The following GPALPP1 variants were observed in gnomAD, a reference collection of about 807,000 sequenced individuals.
GPALPP1 encodes the protein GPALPP motifs containing 1.
GPALPP1 carries 30 observed loss-of-function variants against 38.9 expected under a neutral mutation model. The observed-to-expected ratio is 0.77, with a 90% CI of 0.58 to 1.05. GPALPP1 has a LOEUF of 1.05. GPALPP1 is among the 50% of genes least tolerant of loss of function. The probability of loss-of-function intolerance (pLI) is 0.00; values close to 1 mark genes in which losing one functional copy is unlikely to be tolerated. For synonymous variants in GPALPP1, 120 were observed against 139.2 expected (o/e 0.86, Z 0.97); for missense variants, 384 against 408.8 (o/e 0.94, Z 0.52).
intron 6 of GPALPP1, among the ~76,000 whole-genome samples, chr13:45,019,467 A>G (rs74696778): frequency 0.062 from 9,429 of 151,934 alleles, 324 homozygotes; most frequent in Non-Finnish European, 0.078. Context: ...TATATTTTGT[A>G]TATTGATCTT....
At chr13:44,994,468 G>A (rs1033450836) in intron 1 of GPALPP1, among the ~76,000 whole-genome samples, 9 of 152,084 alleles carry the variant, frequency 5.9e-5, no homozygotes, top group Non-Finnish European at 1.3e-4. Context: ...TGTAATCCCA[G>A]CTACTCGGGA....
At chr13:44,997,878 G>A (rs1357622378) in intron 1 of GPALPP1, among the ~76,000 whole-genome samples, 4 of 152,084 alleles carry the variant, frequency 2.6e-5, no homozygotes, top group Non-Finnish European at 5.9e-5. Flanking sequence ...CCCCTTGTGA[G>A]CCTACAGCCA....
At chr13:45,024,427 A>G (rs1001857661) in intron 7 of GPALPP1, among the ~76,000 whole-genome samples, 1 of 151,668 alleles carries the variant, frequency 6.6e-6, no homozygotes, top group Non-Finnish European at 1.5e-5. Flanking sequence ...AGACTCCCGA[A>G]TAGCTGGGAC....
intron 1 of GPALPP1, among the ~76,000 whole-genome samples, chr13:44,996,450 T>G (rs972071191): frequency 1.3e-5 from 2 of 151,112 alleles, no homozygotes; most frequent in South Asian, 2.1e-4. Context: ...ATCCTTTGTA[T>G]GGAGTCTGGA....
At chr13:45,002,183 G>C (rs1873736606) in intron 1 of GPALPP1, 1 of 152,556 alleles carries the variant, frequency 6.6e-6, no homozygotes, top group Non-Finnish European at 1.5e-5. Flanking sequence ...GTAGTCCCAG[G>C]TACTCAGGAA....
chr13:45,008,674 T>C, intron 3 of GPALPP1, 121 bp from the exon 4 acceptor site: 1 of 597,798 alleles, frequency 1.7e-6, no homozygotes. Context: ...AATAAAGTGT[T>C]AAATAAAATT....
At chr13:45,009,939 A>C (rs1278564592) in intron 4 of GPALPP1, among the ~76,000 whole-genome samples, 1 of 152,140 alleles carries the variant, frequency 6.6e-6, no homozygotes, top group Non-Finnish European at 1.5e-5. Context: ...TTCATGCTTT[A>C]TGTAGCCCTT....
chr13:45,029,168 G>T lies in GPALPP1; in HGVS notation c.*1165G>T, dbSNP rs1316797182. ...TAAACCTATATCAATATTCAAATGT[G>T]ATTTTTGAGGAAAATATGTTAAATT... On this transcript the variant is annotated 3_prime_UTR_variant, in exon 8 of 8. Transcript: ENST00000379151. 6.6e-6 allele frequency: 1 copy of T among 152,092 alleles called. No individual in the cohort carries two copies. The highest frequency in any genetic ancestry group is 1.9e-4 in the East Asian group (1 of 5,202). 9.4% of individuals were successfully genotyped at this position (152,092 alleles called of 1,614,324 possible).
downstream of GPALPP1, chr13:45,031,554 G>T (rs555323638): frequency 6.6e-6 from 1 of 152,132 alleles, no homozygotes; most frequent in South Asian, 2.1e-4. Context: ...CATGACCTTG[G>T]CATGAAGGAG....
chr13:45,035,202 C>T, downstream of GPALPP1: 1 of 152,652 alleles, frequency 6.6e-6, no homozygotes, highest in Non-Finnish European at 1.5e-5. Flanking sequence ...TTGATCCATC[C>T]GCCTTGGCCT....
chr13:45,016,690 G>C (rs926391614), intron 6 of GPALPP1, among the ~76,000 whole-genome samples: 2 of 152,100 alleles, frequency 1.3e-5, no homozygotes, highest in East Asian at 3.9e-4. Flanking sequence ...ACCCAGGTTG[G>C]ACTGCAGTGG....
intron 6 of GPALPP1, among the ~76,000 whole-genome samples, chr13:45,020,122 T>C (rs1473513282): frequency 1.3e-5 from 2 of 151,852 alleles, no homozygotes; most frequent in Non-Finnish European, 2.9e-5. Flanking sequence ...CTCAGGTGAT[T>C]CACCCGCCTT....
chr13:45,005,086 CTTTTTTTTTTTTTTTTTTTT>C (rs71759613), intron 2 of GPALPP1: 1 of 57,482 alleles, frequency 1.7e-5, no homozygotes, highest in Non-Finnish European at 3.2e-5. Context: ...TAATGGTTTT[CTTTTTTTTTTTTTTTTTTTT>C]TTTTTTTTTT....
intron 4 of GPALPP1, 83 bp from the exon 5 acceptor site, chr13:45,014,869 C>A: frequency 9.6e-7 from 1 of 1,036,282 alleles, no homozygotes; most frequent in Non-Finnish European, 1.4e-6. Context: ...TAATAAGTTT[C>A]AGTTAAATGC....
intron 1 of GPALPP1, among the ~76,000 whole-genome samples, chr13:44,994,070 C>CA (rs1209301203): frequency 6.6e-6 from 1 of 151,250 alleles, no homozygotes; most frequent in Non-Finnish European, 1.5e-5. Context: ...CCCATCTCTA[C>CA]AAAAAATACA....
chr13:44,989,567 T>G lies in GPALPP1; in HGVS notation c.-88T>G. The G allele has an allele frequency of 6.7e-7, 1 of 1,489,752 alleles. No homozygotes were observed. Among genetic ancestry groups the G allele is most frequent in the South Asian group, 1.1e-5 (1 of 87,096 alleles). 92.3% of individuals were successfully genotyped at this position (1,489,752 alleles called of 1,614,324 possible). A position where few individuals can be genotyped will look rare whatever the true frequency, so the allele number is the denominator to read the frequency against. On this transcript the variant is annotated 5_prime_UTR_variant, in exon 1 of 8. Transcript: ENST00000379151. The stretch of plus-strand genomic sequence containing the variant: ...TTTCTCGGCGCCGGGAAACCTGCCA[T>G]TCTTCGCTGCTGATCGCGGGATTCT...
At chr13:44,994,738 C>A (rs913195815) in intron 1 of GPALPP1, among the ~76,000 whole-genome samples, 7 of 152,100 alleles carry the variant, frequency 4.6e-5, no homozygotes, top group African/African-American at 1.7e-4. Context: ...TAAAAGTATT[C>A]TTGAAATTAT....
downstream of GPALPP1, among the ~76,000 whole-genome samples, chr13:45,033,037 CAA>C (rs750971257): frequency 1.1e-4 from 13 of 118,628 alleles, no homozygotes; most frequent in Admixed American, 1.7e-4. Context: ...ACTCCATCTC[CAA>C]AAAAAAAAAA....
At chr13:44,989,818 T>A in intron 1 of GPALPP1, 76 bp downstream of exon 1, 1 of 1,195,354 alleles carries the variant, frequency 8.4e-7, no homozygotes. Flanking sequence ...CTGAAGAAAG[T>A]CGGAGGCCTA....
Sources: allele counts gnomAD v4.1 joint callset (sites outside exome capture counted in the v4.1 genomes callset), GRCh38; gene constraint gnomAD v4.1.1; transcripts MANE v1.5; gene names NCBI Gene and HGNC (gene_info 2026-07-23, HGNC 2026-07-21).